The following ICA1 variants were observed in gnomAD, a reference collection of about 807,000 sequenced individuals.
The protein encoded by ICA1 is islet cell autoantigen 1, also known as 69 kDa islet cell autoantigen.
ICA1 carries 40 observed loss-of-function variants against 71.0 expected under a neutral mutation model. The observed-to-expected ratio is 0.56, with a 90% CI of 0.44 to 0.73. ICA1 has a LOEUF of 0.73. ICA1 is among the 30% of genes least tolerant of loss of function. The pLI, the probability that ICA1 is intolerant of heterozygous loss-of-function variation, is 0.00. For missense variants in ICA1, 578 were observed against 576.5 expected (o/e 1.00, Z -0.03); for synonymous variants, 207 against 209.5 (o/e 0.99, Z 0.10).
At chr7:8,183,320 G>C (rs947053768) in intron 6 of ICA1, among the ~76,000 whole-genome samples, 1 of 152,084 alleles carries the variant, frequency 6.6e-6, no homozygotes, top group African/African-American at 2.4e-5. Context: ...TATTTGTCCC[G>C]TTAAAGGCTA....
At chr7:8,246,389 G>A (rs929770448) in intron 1 of ICA1, among the ~76,000 whole-genome samples, 1 of 152,234 alleles carries the variant, frequency 6.6e-6, no homozygotes, top group East Asian at 1.9e-4. Flanking sequence ...AACCTGGGGA[G>A]TGTGGGAATG....
chr7:8,136,559 G>A (rs2192344), intron 12 of ICA1, among the ~76,000 whole-genome samples: 146,051 of 152,300 alleles, frequency 0.96, 70,057 homozygotes, highest in East Asian at 1. Flanking sequence ...ACGCTACCCT[G>A]TGGGTTGACA....
At chr7:8,262,021 G>GC (rs1474731169) in intron 1 of ICA1, 73 bp downstream of exon 1, 1 of 152,188 alleles carries the variant, frequency 6.6e-6, no homozygotes, top group African/African-American at 2.4e-5. Context: ...GACCGTCCCG[G>GC]CTGCCGGGCG....
chr7:8,228,506 T>A (rs1799311859), intron 4 of ICA1, 95 bp downstream of exon 4: 1 of 680,814 alleles, frequency 1.5e-6, no homozygotes, highest in South Asian at 2.4e-5. Flanking sequence ...AGACAAACAC[T>A]CTTAGTTTCC....
intron 5 of ICA1, 42 bp downstream of exon 5, chr7:8,221,233 C>T (rs1796956708): frequency 1.9e-6 from 3 of 1,611,572 alleles, no homozygotes; most frequent in Admixed American, 3.3e-5. Flanking sequence ...CCCGGAGTCT[C>T]CTCAGATCCC....
intron 3 of ICA1, among the ~76,000 whole-genome samples, chr7:8,232,257 T>G (rs1258154688): frequency 6.6e-6 from 1 of 152,240 alleles, no homozygotes; most frequent in Non-Finnish European, 1.5e-5. Flanking sequence ...ATTTAACATT[T>G]GCCAGATTCT....
At chr7:8,124,650 C>A (rs2128046253) in intron 13 of ICA1, among the ~76,000 whole-genome samples, 1 of 152,286 alleles carries the variant, frequency 6.6e-6, no homozygotes. Context: ...GTAAGTGTGG[C>A]AGAAGCTGAA....
intron 8 of ICA1, among the ~76,000 whole-genome samples, chr7:8,155,208 T>C (rs1801060750): frequency 6.6e-6 from 1 of 152,176 alleles, no homozygotes; most frequent in South Asian, 2.1e-4. Flanking sequence ...ACTAAGATTA[T>C]ATCACAATTA....
chr7:8,227,795 A>C (rs540474892), intron 4 of ICA1: 46 of 431,270 alleles, frequency 1.1e-4, no homozygotes, highest in Admixed American at 1.0e-3. Context: ...TTTGTTGCCC[A>C]GGCTGGTCTC....
At chr7:8,170,969 T>G (rs557546856) in intron 6 of ICA1, among the ~76,000 whole-genome samples, 2 of 152,108 alleles carry the variant, frequency 1.3e-5, no homozygotes, top group South Asian at 4.1e-4. Flanking sequence ...CCCAGAGCTG[T>G]GTAATCATCA....
rs1303794338 is a variant in ICA1 at position 8,259,841 on chromosome 7, A to G, written c.-80+2253T>C. ...TTGGGAATCAAGAAAAAAGCGGGGG[A>G]AAAGTGTTTTTTGAGTTTAAAGTTC... On this transcript the variant is annotated intron_variant, in intron 1 of 13. Coordinates refer to ENST00000402384, the MANE Select transcript of ICA1 (RefSeq NM_001136020.3). Among the ~76,000 whole-genome samples, 5 of 152,144 alleles carry G rather than the reference A, an allele frequency of 3.3e-5. No individual in the cohort carries two copies. In the South Asian group the frequency reaches 6.2e-4, roughly 19 times the overall value.
At chr7:8,140,920 A>G (rs1795015039) in intron 10 of ICA1, among the ~76,000 whole-genome samples, 1 of 152,212 alleles carries the variant, frequency 6.6e-6, no homozygotes. Flanking sequence ...GCCTCCTCCT[A>G]TCTTCCAGGA....
At chr7:8,126,982 T>A (rs1242024412) in intron 13 of ICA1, among the ~76,000 whole-genome samples, 1 of 151,870 alleles carries the variant, frequency 6.6e-6, no homozygotes, top group African/African-American at 2.4e-5. Flanking sequence ...CCAGCATTTT[T>A]TTTTTTTTTT....
At chr7:8,179,684 C>A (rs1007799438) in intron 6 of ICA1, among the ~76,000 whole-genome samples, 3 of 152,104 alleles carry the variant, frequency 2.0e-5, no homozygotes, top group Non-Finnish European at 4.4e-5. Context: ...TTCTGGTGCT[C>A]TTAGCCTTTT....
intron 1 of ICA1, among the ~76,000 whole-genome samples, chr7:8,247,589 G>A (rs992334221): frequency 6.6e-6 from 1 of 152,196 alleles, no homozygotes; most frequent in Non-Finnish European, 1.5e-5. Context: ...AACAAGCCAG[G>A]TTTTAAGTAC....
intron 1 of ICA1, among the ~76,000 whole-genome samples, chr7:8,261,383 G>A (rs1159969327): frequency 6.6e-6 from 1 of 152,150 alleles, no homozygotes; most frequent in Non-Finnish European, 1.5e-5. Flanking sequence ...TCTAGAGGAA[G>A]CAGGAGCTGC....
At chr7:8,134,405 A>C (rs751409117) in intron 12 of ICA1, among the ~76,000 whole-genome samples, 17 of 152,154 alleles carry the variant, frequency 1.1e-4, no homozygotes, top group Admixed American at 1.1e-3. Flanking sequence ...CCTCAGCATA[A>C]ATTAGAACAC....
chr7:8,246,685 G>A (rs1428556544), intron 1 of ICA1, among the ~76,000 whole-genome samples: 1 of 152,230 alleles, frequency 6.6e-6, no homozygotes, highest in Non-Finnish European at 1.5e-5. Flanking sequence ...GAACAGTGGG[G>A]AAGGACACTT....
intron 6 of ICA1, among the ~76,000 whole-genome samples, chr7:8,171,813 C>G (rs1380914301): frequency 1.3e-5 from 2 of 151,840 alleles, no homozygotes; most frequent in Non-Finnish European, 3.0e-5. Flanking sequence ...GTTCTGATTT[C>G]AATTATTTCA....
Sources: gnomAD v4.1 joint callset for allele counts (sites outside exome capture counted in the v4.1 genomes callset) on GRCh38, gnomAD v4.1.1 for gene constraint, MANE v1.5 for transcripts, NCBI Gene and HGNC (gene_info 2026-07-23, HGNC 2026-07-21) for gene names.